The following DHRS12 variants were observed in gnomAD, a reference collection of about 807,000 sequenced individuals.
DHRS12 encodes the protein dehydrogenase/reductase SDR family member 12.
Under a neutral mutation model 32.1 loss-of-function variants are expected in DHRS12, and 29 were observed. The observed-to-expected ratio is 0.90, with a 90% CI of 0.67 to 1.23. The LOEUF is 1.23. DHRS12 is among the 50% of genes most tolerant of loss of function. The pLI, the probability that DHRS12 is intolerant of heterozygous loss-of-function variation, is 0.00. For synonymous variants in DHRS12, 150 were observed against 135.9 expected, an observed-to-expected ratio of 1.10 and a Z score of -0.72; for missense variants, 330 against 337.2, an observed-to-expected ratio of 0.98 and a Z score of 0.17.
At chr13:51,776,163 A>C (rs1168721013) in intron 5 of DHRS12, 1 of 129,476 alleles carries the variant, frequency 7.7e-6, no homozygotes, top group African/African-American at 3.2e-5. Flanking sequence ...CATGTATTCT[A>C]CAGTATTCTC....
At chr13:51,789,873 A>G (rs1361247212) in intron 4 of DHRS12, 138 bp downstream of exon 4, 2 of 1,338,466 alleles carry the variant, frequency 1.5e-6, no homozygotes, top group Non-Finnish European at 1.9e-6. Flanking sequence ...AATAAGTACA[A>G]TTCAGAATAA....
At chr13:51,798,802 C>A (rs574249587) in intron 2 of DHRS12, among the ~76,000 whole-genome samples, 1 of 152,356 alleles carries the variant, frequency 6.6e-6, no homozygotes, top group South Asian at 2.1e-4. Flanking sequence ...TCTGCTGGAA[C>A]ATCCATTTTT....
intron 4 of DHRS12, among the ~76,000 whole-genome samples, chr13:51,780,835 T>G (rs1954671259): frequency 6.6e-6 from 1 of 152,246 alleles, no homozygotes; most frequent in Non-Finnish European, 1.5e-5. Context: ...TATGACATTT[T>G]AATAGCATTA....
At chr13:51,799,214 G>T (rs1185659180) in intron 2 of DHRS12, among the ~76,000 whole-genome samples, 1 of 152,078 alleles carries the variant, frequency 6.6e-6, no homozygotes, top group East Asian at 1.9e-4. Flanking sequence ...TTTTGTTTTT[G>T]TTTTTTTAAT....
In DHRS12 at chr13:51,768,078, A is replaced by T; in HGVS notation, c.*109T>A. 6.7e-7 allele frequency: 1 copy of T among 1,486,566 alleles called. No individual in the cohort carries two copies. The highest frequency in any genetic ancestry group is 8.9e-7 in the Non-Finnish European group (1 of 1,122,704). The allele number at this position is 1,486,566 out of a possible 1,614,324, so 92.1% of individuals were successfully genotyped here. A position where few individuals can be genotyped will look rare whatever the true frequency, so the allele number is the denominator to read the frequency against. On this transcript the variant is annotated 3_prime_UTR_variant, in exon 9 of 9. Transcript: ENST00000444610. ...CTTGTAGGCCTCGCTGTGAGGCACA[A>T]CGTCTTCGAGGGGAAGTTGAAGTGG...
At chr13:51,803,906 G>A (rs1250724690) in intron 1 of DHRS12, 148 bp downstream of exon 1, 6 of 680,662 alleles carry the variant, frequency 8.8e-6, no homozygotes, top group East Asian at 7.7e-5. Context: ...GTCGCTAGAC[G>A]GCGGGCGCAC....
downstream of DHRS12, chr13:51,764,856 T>A (rs1279562238): frequency 6.6e-6 from 1 of 152,020 alleles, no homozygotes; most frequent in African/African-American, 2.4e-5. Context: ...ACGCCAAAGG[T>A]GTGTTGGGCT....
chr13:51,801,428 T>A (rs1380778037), intron 1 of DHRS12, among the ~76,000 whole-genome samples: 2 of 152,178 alleles, frequency 1.3e-5, no homozygotes, highest in African/African-American at 4.8e-5. Context: ...CCTCAGGTGA[T>A]CCACCCACCT....
chr13:51,768,245 G>T lies in DHRS12; in HGVS notation c.749C>A (p.Pro250Gln). ...TTCAATGAGTTTCTCCTCTTCGGCC[G>T]GTGAGGAGGACGCTGTAGCGAGAGG... ...HLPLATASSSPAEEEKLIEIL... is the reference protein window; with the variant it reads ...HLPLATASSSQAEEEKLIEIL... The change falls in exon 9 of 9, where the codon CCG becomes CAG. Residue 250 changes from proline (P) to glutamine (Q), a missense_variant. Coordinates refer to ENST00000444610, the MANE Select transcript of DHRS12 (RefSeq NM_001377533.1). 2 of 1,536,124 alleles carry T rather than the reference G, an allele frequency of 1.3e-6. No individual in the cohort carries two copies.
rs1593571953 is a variant in DHRS12, at chr13:51,799,672, A to G, written c.-8-5T>C. Reference sequence around the variant, plus strand: ...CATGCAGATTCATAGCCACTCCTAGAAAGAGGAGACCCACAGGAAGACCAG... The same window carrying G: ...CATGCAGATTCATAGCCACTCCTAGGAAGAGGAGACCCACAGGAAGACCAG... On this transcript the variant is annotated splice_region_variant and splice_polypyrimidine_tract_variant and intron_variant, in intron 1 of 8. Coordinates refer to ENST00000444610, the MANE Select transcript of DHRS12 (RefSeq NM_001377533.1). The G allele has an allele frequency of 6.2e-7, 1 of 1,613,750 alleles. No individual in the cohort carries two copies.
Position 51,791,825 on chromosome 13 carries a change from G to T in DHRS12, c.127-568C>A, listed in dbSNP as rs900577309. Among the ~76,000 whole-genome samples the T allele has an allele frequency of 8.9e-4, 135 of 152,152 alleles. 1 individual carries two copies. The highest frequency in any genetic ancestry group is 2.1e-4 in the Non-Finnish European group (14 of 68,034). On this transcript the variant is annotated intron_variant, in intron 2 of 8. Coordinates refer to ENST00000444610, the MANE Select transcript of DHRS12 (RefSeq NM_001377533.1). Reference sequence around the variant, plus strand: ...GGTTCTATGAATTCTGAGTACTATGGCTACCTCACATAAGTGAAATCGAAT... The same window carrying T: ...GGTTCTATGAATTCTGAGTACTATGTCTACCTCACATAAGTGAAATCGAAT...
Position 51,797,148 on chromosome 13 carries a change from AG to A in DHRS12, c.126+2385del, listed in dbSNP as rs61416551. ...TTTTGGGGGTCAGGGTTTTCCATTC[AG>A]GGCAGCCTTATGGCTACACGATGGA... On this transcript the variant is annotated intron_variant, in intron 2 of 8. Coordinates refer to ENST00000444610, the MANE Select transcript of DHRS12 (RefSeq NM_001377533.1). 7.3e-3 allele frequency among the ~76,000 whole-genome samples: 1,106 copies of A among 152,310 alleles called. 18 individuals are homozygous for A. Among genetic ancestry groups the A allele is most frequent in the African/African-American group, 0.025 (1,049 of 41,564 alleles).
At chr13:51,783,369 A>T (rs948708827) in intron 4 of DHRS12, among the ~76,000 whole-genome samples, 2 of 152,206 alleles carry the variant, frequency 1.3e-5, no homozygotes, top group Non-Finnish European at 2.9e-5. Flanking sequence ...ACCAAGAAAC[A>T]ATCATAATGA....
At chr13:51,803,078 C>T (rs1955832925) in intron 1 of DHRS12, among the ~76,000 whole-genome samples, 1 of 152,204 alleles carries the variant, frequency 6.6e-6, no homozygotes, top group African/African-American at 2.4e-5. Context: ...ACAGGGCTCA[C>T]GACTACACTC....
intron 8 of DHRS12, 128 bp from the exon 9 acceptor site, chr13:51,768,424 C>A (rs922124366): frequency 1.4e-6 from 2 of 1,468,628 alleles, no homozygotes; most frequent in Non-Finnish European, 9.0e-7. Context: ...GTTAGACCCC[C>A]ATCCCTGCTG....
the DHRS12 span, chr13:51,761,383 A>G: frequency 6.6e-6 from 1 of 152,218 alleles, no homozygotes; most frequent in Non-Finnish European, 1.5e-5. Context: ...ATTAATGGCA[A>G]GCCTGCGCCA....
chr13:51,787,868 A>AT (rs202228274), intron 4 of DHRS12, among the ~76,000 whole-genome samples: 6 of 114,284 alleles, frequency 5.3e-5, no homozygotes, highest in African/African-American at 7.0e-5. Context: ...ATAATATATA[A>AT]ATATATAATT....
chr13:51,759,878 A>G, the DHRS12 span: 8 of 1,260,182 alleles, frequency 6.3e-6, no homozygotes, highest in Admixed American at 1.0e-4. Flanking sequence ...GAAAGAAACT[A>G]AAGACCCTGA....
intron 1 of DHRS12, among the ~76,000 whole-genome samples, chr13:51,801,703 AG>A (rs1333962732): frequency 6.6e-6 from 1 of 152,210 alleles, no homozygotes; most frequent in East Asian, 1.9e-4. Context: ...GTCAATGAAT[AG>A]GGGCTTAGCT....
Sources: allele counts gnomAD v4.1 joint callset (sites outside exome capture counted in the v4.1 genomes callset), GRCh38; gene constraint gnomAD v4.1.1; transcripts MANE v1.5; gene names NCBI Gene and HGNC (gene_info 2026-07-23, HGNC 2026-07-21).